Variants in ELFN1 observed in about 807,000 individuals in gnomAD.
ELFN1 encodes extracellular leucine rich repeat and fibronectin type III domain containing 1.
Under a neutral mutation model 7.6 loss-of-function variants are expected in ELFN1, and 6 were observed. The ratio of observed to expected loss-of-function variants is 0.79; its 90% CI spans 0.43 to 1.56. The LOEUF (loss-of-function observed/expected upper bound fraction) is 1.56, where lower values mean the gene tolerates loss of function less well. ELFN1 is among the 40% of genes most tolerant of loss of function. The pLI is 0.01. For missense variants in ELFN1, 1,169 were observed against 1,232.2 expected, an observed-to-expected ratio of 0.95 and a Z score of 0.77; for synonymous variants, 657 against 588.1, an observed-to-expected ratio of 1.12 and a Z score of -1.70.
upstream of ELFN1, among the ~76,000 whole-genome samples, chr7:1,666,863 C>G (rs948955937): frequency 6.6e-6 from 1 of 151,836 alleles, no homozygotes; most frequent in Non-Finnish European, 1.5e-5. This position sits in a 1 kb window ranked among gnomAD's most constrained non-coding sequence, Gnocchi z 7.9. Context: ...CCCCCGCCCC[C>G]ACCCCAGCCG....
chr7:1,743,911 C>T (rs1375575887), intron 3 of ELFN1, among the ~76,000 whole-genome samples: 3 of 152,200 alleles, frequency 2.0e-5, no homozygotes, highest in African/African-American at 4.8e-5. Flanking sequence ...GTCCCAGTCC[C>T]CTGCCTCAGT....
chr7:1,736,272 T>TC (rs139483931), intron 3 of ELFN1, among the ~76,000 whole-genome samples: 2,071 of 152,042 alleles, frequency 0.014, 53 homozygotes, highest in African/African-American at 0.048. Context: ...TCTCCCCGCC[T>TC]CCCCCACACG....
upstream of ELFN1, among the ~76,000 whole-genome samples, chr7:1,666,872 C>T (rs1778679658): frequency 6.6e-6 from 1 of 151,706 alleles, no homozygotes; most frequent in Non-Finnish European, 1.5e-5. This position sits in a 1 kb window ranked among gnomAD's most constrained non-coding sequence, Gnocchi z 7.9. Context: ...CCACCCCAGC[C>T]GGTGGCTGGG....
intron 3 of ELFN1, among the ~76,000 whole-genome samples, chr7:1,721,490 G>A (rs559815575): frequency 1.2e-4 from 18 of 152,346 alleles, no homozygotes; most frequent in South Asian, 2.1e-4. Flanking sequence ...CTAGCGTGGC[G>A]TCTGGCACAT....
rs1027351851 is a variant in ELFN1 at position 1,747,703 on chromosome 7, CAG to C, written c.*621_*622del. 4 of 164,782 alleles carry C rather than the reference CAG, an allele frequency of 2.4e-5. No individual in the cohort carries two copies. The highest frequency in any genetic ancestry group is 9.7e-5 in the African/African-American group (4 of 41,444). 10.2% of individuals were successfully genotyped at this position (164,782 alleles called of 1,614,324 possible). On this transcript the variant is annotated 3_prime_UTR_variant, in exon 4 of 4. Transcript: ENST00000424383. Reference sequence around the variant, plus strand: ...ACAGGTCCTGGAGCCCTGCTGGACTCAGGGTGGGTGGAGGCTGTGCCTGTGGA... The same window carrying C: ...ACAGGTCCTGGAGCCCTGCTGGACTCGGTGGGTGGAGGCTGTGCCTGTGGA...
chr7:1,704,736 C>T (rs1402991300), intron 2 of ELFN1, among the ~76,000 whole-genome samples: 1 of 152,116 alleles, frequency 6.6e-6, no homozygotes, highest in Non-Finnish European at 1.5e-5. Context: ...CACCCCTCCA[C>T]AGCCAGGTGC....
In ELFN1 at chr7:1,746,673, G is replaced by A. The variant is rs1376999500; in HGVS notation, c.2077G>A (p.Glu693Lys). The A allele has an allele frequency of 2.9e-6, 4 of 1,397,886 alleles. No homozygotes were observed. Among genetic ancestry groups the A allele is most frequent in the Non-Finnish European group, 3.7e-6 (4 of 1,082,348 alleles). 86.6% of individuals were successfully genotyped at this position (1,397,886 alleles called of 1,614,324 possible). The change falls in exon 4 of 4, where the codon GAG becomes AAG. Residue 693 changes from glutamate (E) to lysine (K), a missense_variant. Glu to Lys is a moderately conservative substitution (Grantham distance 56). Coordinates refer to ENST00000424383, the MANE Select transcript of ELFN1 (RefSeq NM_001128636.4). ...VTPAAAVLRA[E>K]AEKGRQYGEH... ...ACCCGCGGCCGCCGTGCTGCGGGCC[G>A]AGGCCGAGAAGGGTCGCCAGTACGG...
chr7:1,717,495 A>G (rs1454374969), intron 3 of ELFN1, among the ~76,000 whole-genome samples: 1 of 152,124 alleles, frequency 6.6e-6, no homozygotes, highest in Non-Finnish European at 1.5e-5. Context: ...CTACGGTCCT[A>G]CTGTGTGCTC....
In ELFN1 at chr7:1,673,050, C is replaced by T. The variant is rs536688994; in HGVS notation, c.-549+2696C>T. Among the ~76,000 whole-genome samples the T allele has an allele frequency of 2.3e-4, 35 of 152,004 alleles. No homozygotes were observed. The highest frequency in any genetic ancestry group is 8.0e-4 in the African/African-American group (33 of 41,386). ...GAACCTGGAGCGGATGGTGGCACCG[C>T]CGCGGACATTGGATACATTTGTCAT... is the stretch of plus-strand genomic sequence containing the variant. On this transcript the variant is annotated intron_variant, in intron 1 of 3. Transcript: ENST00000424383. This position sits in a 1 kb window ranked among gnomAD's most constrained non-coding sequence, Gnocchi z 4.7.
At chr7:1,678,339 C>G (rs1258168974) in intron 1 of ELFN1, among the ~76,000 whole-genome samples, 1 of 152,226 alleles carries the variant, frequency 6.6e-6, no homozygotes, top group East Asian at 1.9e-4. Context: ...CCTCACACCC[C>G]ATACCTGGGC....
In ELFN1 at chr7:1,740,099, G is replaced by C. The variant is rs1363350788; in HGVS notation, c.-293-4205G>C. 6.6e-6 allele frequency among the ~76,000 whole-genome samples: 1 copy of C among 152,212 alleles called. No individual in the cohort carries two copies. The highest frequency in any genetic ancestry group is 1.5e-5 in the Non-Finnish European group (1 of 68,024). On this transcript the variant is annotated intron_variant, in intron 3 of 3. Transcript: ENST00000424383. This position sits in a 1 kb window ranked among gnomAD's most constrained non-coding sequence, Gnocchi z 5.0. ...TGCATCCAAGAAAGTGGTGTGGGCAGGATGGCATTGCAGAGGGCTGGAGGT... is the reference window on the plus strand; with the variant it reads ...TGCATCCAAGAAAGTGGTGTGGGCACGATGGCATTGCAGAGGGCTGGAGGT...
Position 1,746,982 on chromosome 7 carries a change from G to T in ELFN1, c.2386G>T (p.Ala796Ser). 1 of 1,559,838 alleles carries T rather than the reference G, an allele frequency of 6.4e-7. No individual in the cohort carries two copies. The highest frequency in any genetic ancestry group is 8.7e-7 in the Non-Finnish European group (1 of 1,152,882). Residue 796 changes from alanine to serine, a missense_variant, in exon 4 of 4, where the codon GCG (alanine) becomes TCG (serine). Physicochemically the swap from Ala to Ser is moderately conservative, Grantham distance 99. Transcript: ENST00000424383. The part of the protein sequence containing the change: ...RHKEEEEFMA[A>S]GHALRKKVQF... ...CAAGGAGGAAGAGGAGTTCATGGCC[G>T]CGGGCCATGCCCTGCGCAAGAAGGT...
At chr7:1,669,829 G>A (rs1163463297), upstream of ELFN1, among the ~76,000 whole-genome samples, 1 of 152,036 alleles carries the variant, frequency 6.6e-6, no homozygotes, top group Non-Finnish European at 1.5e-5. Context: ...GGAGTCGCGG[G>A]TAGCTTGTTC....
chr7:1,707,191 A>G (rs555025685), intron 2 of ELFN1, among the ~76,000 whole-genome samples: 2 of 152,352 alleles, frequency 1.3e-5, no homozygotes, highest in Admixed American at 1.3e-4. Flanking sequence ...CTCTGCTCAC[A>G]GTGACACGGT....
chr7:1,701,837 A>G (rs1279756450), intron 2 of ELFN1, among the ~76,000 whole-genome samples: 1 of 152,046 alleles, frequency 6.6e-6, no homozygotes, highest in Non-Finnish European at 1.5e-5. Context: ...ATATATACAT[A>G]TTTTATCTTT....
chr7:1,691,225 C>T (rs1336276093), intron 2 of ELFN1, among the ~76,000 whole-genome samples: 3 of 152,176 alleles, frequency 2.0e-5, no homozygotes, highest in Non-Finnish European at 2.9e-5. Flanking sequence ...GGGTCTAAAC[C>T]AGGAGCCAGG....
chr7:1,744,223 G>A (rs186095442), intron 3 of ELFN1, 81 bp from the exon 4 acceptor site: 108 of 256,946 alleles, frequency 4.2e-4, no homozygotes, highest in African/African-American at 2.1e-3. Flanking sequence ...TTGGGATGCC[G>A]CCGCTGTGAG....
chr7:1,712,462 C>T (rs916332077), intron 3 of ELFN1, among the ~76,000 whole-genome samples: 8 of 149,992 alleles, frequency 5.3e-5, no homozygotes, highest in African/African-American at 7.4e-5. Context: ...GACGGAGTCT[C>T]GCCCTGTCAC....
At chr7:1,708,616 A>G (rs1298510638) in intron 2 of ELFN1, among the ~76,000 whole-genome samples, 1 of 152,142 alleles carries the variant, frequency 6.6e-6, no homozygotes, top group Non-Finnish European at 1.5e-5. Context: ...CTACCTAATC[A>G]GTCCAGCTGT....
Sources: allele counts gnomAD v4.1 joint callset (sites outside exome capture counted in the v4.1 genomes callset), GRCh38; gene constraint gnomAD v4.1.1; non-coding constraint Gnocchi (gnomAD v3.1); transcripts MANE v1.5; gene names NCBI Gene and HGNC (gene_info 2026-07-23, HGNC 2026-07-21).